OTUD7B: variants seen among roughly 807,000 people sequenced by gnomAD.
OTUD7B encodes OTU domain-containing protein 7B.
OTUD7B carries 34 observed loss-of-function variants against 82.2 expected under a neutral mutation model. The observed-to-expected ratio is 0.41, with a 90% CI of 0.31 to 0.55. The LOEUF is 0.55. Among genes scored for constraint, OTUD7B ranks in the 20% least tolerant of loss-of-function variants. OTUD7B has a pLI of 0.20. For missense variants in OTUD7B, 944 were observed against 1,062.1 expected (o/e 0.89, Z 1.55); for synonymous variants, 398 against 402.7 (o/e 0.99, Z 0.14).
chr1:150,009,823 GC>G (rs1353072526), intron 1 of OTUD7B, among the ~76,000 whole-genome samples: 1 of 151,998 alleles, frequency 6.6e-6, no homozygotes, highest in African/African-American at 2.4e-5. Context: ...AGATCACGCA[GC>G]CCCCGGCTTA....
At chr1:150,014,011 C>T (rs12409970), upstream of OTUD7B, among the ~76,000 whole-genome samples, 1 of 130,296 alleles carries the variant, frequency 7.7e-6, no homozygotes, top group Admixed American at 7.7e-5. Context: ...CATATATATA[C>T]ACACACATAT....
Position 149,948,980 on chromosome 1 carries a change from G to A in OTUD7B, c.1227C>T (p.Val409=), listed in dbSNP as rs1553772721. The A allele has an allele frequency of 2.5e-6, 4 of 1,609,318 alleles. No individual in the cohort carries two copies. Among genetic ancestry groups the A allele is most frequent in the African/African-American group, 1.3e-5 (1 of 74,810 alleles). Residue 409 remains valine, a synonymous_variant, in exon 10 of 12, where the codon GTC becomes GTT. Transcript: ENST00000581312. ...WEWGKDDSDN[V]RLASVILSLE... ...TAGGCCTGGCTTACCTGGCCAATCG[G>A]ACATTGTCACTATCATCTTTGCCCC...
chr1:149,969,928 C>T (rs1649797766), intron 3 of OTUD7B, among the ~76,000 whole-genome samples: 2 of 152,062 alleles, frequency 1.3e-5, no homozygotes, highest in Admixed American at 6.5e-5. Flanking sequence ...TCTCGAACTC[C>T]TGACCTCAGG....
intron 1 of OTUD7B, among the ~76,000 whole-genome samples, chr1:150,004,047 C>T (rs782290631): frequency 1.3e-5 from 2 of 152,094 alleles, no homozygotes; most frequent in Non-Finnish European, 2.9e-5. Flanking sequence ...GTAGTTGACT[C>T]ATCACCCTTC....
rs1425033660 is a variant in OTUD7B at position 149,955,211 on chromosome 1, G to GA, written c.845+4472dup. On this transcript the variant is annotated intron_variant, in intron 7 of 11. Transcript: ENST00000581312. ...TAAATTTCCCTCTCCACACTGCTTTGAATGTGTCCCAGAGATTCTGGTATG... is the reference window on the plus strand; with the variant it reads ...TAAATTTCCCTCTCCACACTGCTTTGAAATGTGTCCCAGAGATTCTGGTATG... Among the ~76,000 whole-genome samples the GA allele has an allele frequency of 2.6e-5, 4 of 152,252 alleles. No individual in the cohort carries two copies. In the East Asian group the frequency reaches 7.7e-4, roughly 29 times the overall value.
intron 8 of OTUD7B, 58 bp downstream of exon 8, chr1:149,950,036 C>G: frequency 2.5e-6 from 4 of 1,606,486 alleles, no homozygotes; most frequent in Non-Finnish European, 3.4e-6. Flanking sequence ...AATGCTTAGC[C>G]TAAGGCTTTG....
intron 2 of OTUD7B, 89 bp downstream of exon 2, chr1:149,977,337 T>A: frequency 1.1e-6 from 1 of 928,344 alleles, no homozygotes; most frequent in South Asian, 1.3e-5. Context: ...CAAAGTATCT[T>A]CCTGATCACC....
the OTUD7B span, among the ~76,000 whole-genome samples, chr1:150,030,478 T>C: frequency 0.13 from 19,481 of 152,254 alleles, 1,426 homozygotes; most frequent in Non-Finnish European, 0.17. Context: ...ATTTGTGCCA[T>C]TAATGTTTCA....
chr1:149,984,389 G>T (rs1431689065), intron 1 of OTUD7B, among the ~76,000 whole-genome samples: 1 of 152,148 alleles, frequency 6.6e-6, no homozygotes, highest in Non-Finnish European at 1.5e-5. Context: ...AATGGCACTG[G>T]CTTATATATA....
At chr1:150,065,854 T>TTTTTTTTTTTTTTTTTTTTTTTTGAGACG in the OTUD7B span, among the ~76,000 whole-genome samples, 1 of 152,212 alleles carries the variant, frequency 6.6e-6, no homozygotes, top group African/African-American at 2.4e-5. Context: ...AAAATGTTTA[T>TTTTTTTTTTTTTTTTTTTTTTTTGAGACG]GTTCCATATC....
the OTUD7B span, chr1:150,067,584 C>T: frequency 8.7e-6 from 4 of 457,970 alleles, no homozygotes; most frequent in Non-Finnish European, 1.6e-5. Context: ...AGAGTCCGGG[C>T]CTCAGGCATC....
intron 1 of OTUD7B, among the ~76,000 whole-genome samples, chr1:150,006,298 A>G (rs1652665572): frequency 6.6e-6 from 1 of 152,214 alleles, no homozygotes; most frequent in African/African-American, 2.4e-5. Flanking sequence ...TCTACTAAAA[A>G]TACAAAAAAT....
At chr1:150,006,727 G>A (rs1328848852) in intron 1 of OTUD7B, among the ~76,000 whole-genome samples, 1 of 152,278 alleles carries the variant, frequency 6.6e-6, no homozygotes, top group African/African-American at 2.4e-5. Context: ...AGGAGAATCC[G>A]GCCATAGTCT....
At chr1:149,995,868 A>G (rs1193621789) in intron 1 of OTUD7B, among the ~76,000 whole-genome samples, 1 of 152,232 alleles carries the variant, frequency 6.6e-6, no homozygotes, top group African/African-American at 2.4e-5. Flanking sequence ...GAATAAACCT[A>G]GAATGCTAAC....
chr1:150,056,172 C>T, the OTUD7B span, among the ~76,000 whole-genome samples: 1 of 152,104 alleles, frequency 6.6e-6, no homozygotes, highest in African/African-American at 2.4e-5. Flanking sequence ...TCTCTTAAAA[C>T]ATCATCTAAG....
chr1:150,000,974 A>G (rs1156629490), intron 1 of OTUD7B, among the ~76,000 whole-genome samples: 1 of 152,048 alleles, frequency 6.6e-6, no homozygotes, highest in Non-Finnish European at 1.5e-5. Context: ...GCAAGACTCC[A>G]TCTCAAAAAT....
intron 1 of OTUD7B, among the ~76,000 whole-genome samples, chr1:149,992,149 C>T (rs1373543724): frequency 1.3e-5 from 2 of 152,036 alleles, no homozygotes; most frequent in Non-Finnish European, 1.5e-5. Flanking sequence ...CACTTGAACC[C>T]GGGAGGCGGA....
intron 1 of OTUD7B, among the ~76,000 whole-genome samples, chr1:149,998,481 C>T (rs78768447): frequency 0.022 from 3,316 of 152,230 alleles, 130 homozygotes; most frequent in African/African-American, 0.076. Context: ...CTTTTCCTGC[C>T]CCCAAAACAA....
At chr1:150,007,963 A>G (rs587607681) in intron 1 of OTUD7B, among the ~76,000 whole-genome samples, 1 of 152,330 alleles carries the variant, frequency 6.6e-6, no homozygotes, top group South Asian at 2.1e-4. Context: ...TCATACACAC[A>G]TACACCCACA....
Sources: allele counts gnomAD v4.1 joint callset (sites outside exome capture counted in the v4.1 genomes callset), GRCh38; gene constraint gnomAD v4.1.1; transcripts MANE v1.5; gene names NCBI Gene and HGNC (gene_info 2026-07-23, HGNC 2026-07-21).